ERC2: variants seen among roughly 807,000 people sequenced by gnomAD.
ERC2 encodes ELKS/RAB6-interacting/CAST family member 2, also known as ERC protein 2.
ERC2 carries 42 observed loss-of-function variants against 114.8 expected under a neutral mutation model. The ratio of observed to expected loss-of-function variants is 0.37; its 90% CI spans 0.29 to 0.47. The LOEUF (loss-of-function observed/expected upper bound fraction) is 0.47. ERC2 is among the 20% of genes least tolerant of loss of function. The pLI, the probability that ERC2 is intolerant of heterozygous loss-of-function variation, is 0.99. For missense variants in ERC2, 939 were observed against 1,150.7 expected, an observed-to-expected ratio of 0.82 and a Z score of 2.66; for synonymous variants, 454 against 425.5, an observed-to-expected ratio of 1.07 and a Z score of -0.82.
At chr3:55,551,352 G>A (rs560992099) in intron 17 of ERC2, among the ~76,000 whole-genome samples, 14 of 151,190 alleles carry the variant, frequency 9.3e-5, no homozygotes, top group Admixed American at 2.6e-4. Context: ...GTGAAACCGC[G>A]TCTCTACTGA....
In ERC2 at chr3:55,921,022, T is replaced by G. The variant is rs950734201; in HGVS notation, c.2403+29403A>C. ...CATAACCACTCGGTTCTGGTGGGAA[T>G]GCAGAAACCTCTGAGCACACCCTAA... On this transcript the variant is annotated intron_variant, in intron 13 of 17. Transcript: ENST00000288221. Among the ~76,000 whole-genome samples, 4 of 152,108 alleles carry G rather than the reference T, an allele frequency of 2.6e-5. 1 individual carries two copies. The highest frequency in any genetic ancestry group is 2.6e-4 in the Admixed American group (4 of 15,262).
intron 11 of ERC2, among the ~76,000 whole-genome samples, chr3:55,987,865 G>A (rs1415324051): frequency 6.6e-6 from 1 of 152,130 alleles, no homozygotes; most frequent in Non-Finnish European, 1.5e-5. Flanking sequence ...TCTTACGAGT[G>A]GAACCCCCAG....
chr3:55,808,019 C>T (rs901687340), intron 14 of ERC2, among the ~76,000 whole-genome samples: 1 of 152,200 alleles, frequency 6.6e-6, no homozygotes, highest in Non-Finnish European at 1.5e-5. Context: ...CCCCATCCAG[C>T]TGAGTGAAGT....
intron 6 of ERC2, among the ~76,000 whole-genome samples, chr3:56,125,882 A>G (rs1054777132): frequency 6.6e-6 from 1 of 152,234 alleles, no homozygotes; most frequent in Non-Finnish European, 1.5e-5. Flanking sequence ...TATCCATGTC[A>G]ATGGGAATAA....
intron 7 of ERC2, among the ~76,000 whole-genome samples, chr3:56,065,858 T>C (rs1313134323): frequency 1.3e-5 from 2 of 152,186 alleles, no homozygotes. Context: ...TTCATCCATG[T>C]CCCTGCAAAG....
chr3:55,546,291 C>T (rs1473891351), intron 17 of ERC2, among the ~76,000 whole-genome samples: 1 of 152,164 alleles, frequency 6.6e-6, no homozygotes, highest in African/African-American at 2.4e-5. Context: ...CTTCCCTATG[C>T]CCTCCTCCGG....
chr3:56,032,979 G>A (rs13085460), intron 7 of ERC2, among the ~76,000 whole-genome samples: 5,764 of 51,326 alleles, frequency 0.11, 499 homozygotes, highest in East Asian at 0.18. Flanking sequence ...GAAAGAAAGA[G>A]AAAGAAAGAA....
chr3:56,239,169 GA>G (rs984891603), intron 3 of ERC2, among the ~76,000 whole-genome samples: 13 of 152,070 alleles, frequency 8.5e-5, no homozygotes, highest in African/African-American at 3.1e-4. Context: ...TATACAAAGG[GA>G]AAAAATTATG....
At chr3:56,448,594 G>C (rs1022707191) in intron 1 of ERC2, among the ~76,000 whole-genome samples, 6 of 152,150 alleles carry the variant, frequency 3.9e-5, no homozygotes, top group Non-Finnish European at 7.3e-5. Flanking sequence ...AGCTAGGCTT[G>C]CTCCAGCTAT....
chr3:56,154,286 G>C (rs1423010731), intron 4 of ERC2, among the ~76,000 whole-genome samples: 1 of 152,110 alleles, frequency 6.6e-6, no homozygotes, highest in Non-Finnish European at 1.5e-5. Context: ...GCCTTCTTGG[G>C]CCTTGTCAAA....
At chr3:55,831,366 G>GGAGAA (rs2060568703) in intron 14 of ERC2, among the ~76,000 whole-genome samples, 1 of 92,618 alleles carries the variant, frequency 1.1e-5, no homozygotes, top group African/African-American at 4.2e-5. Context: ...GAGAAGGGGA[G>GGAGAA]GGGAAGGGAA....
At chr3:56,101,579 C>T (rs2078360873) in intron 6 of ERC2, among the ~76,000 whole-genome samples, 1 of 152,060 alleles carries the variant, frequency 6.6e-6, no homozygotes, top group South Asian at 2.1e-4. Context: ...ACCCATGGCC[C>T]CACATCCACC....
intron 3 of ERC2, among the ~76,000 whole-genome samples, chr3:56,224,424 C>T (rs1416362315): frequency 6.6e-6 from 1 of 152,006 alleles, no homozygotes; most frequent in Non-Finnish European, 1.5e-5. Context: ...GCTTGAGTGG[C>T]AGGGGTGAGG....
chr3:56,354,038 C>G (rs931449937), intron 2 of ERC2, among the ~76,000 whole-genome samples: 2 of 152,130 alleles, frequency 1.3e-5, no homozygotes, highest in Non-Finnish European at 2.9e-5. Context: ...ATCAGGCAGC[C>G]TGACTCCAGA....
At chr3:55,822,427 T>G (rs1422323034) in intron 14 of ERC2, among the ~76,000 whole-genome samples, 1 of 152,196 alleles carries the variant, frequency 6.6e-6, no homozygotes, top group Non-Finnish European at 1.5e-5. Context: ...TAAATTATCT[T>G]GTTTTATTAT....
intron 8 of ERC2, among the ~76,000 whole-genome samples, chr3:56,017,750 C>G (rs912595394): frequency 6.6e-6 from 1 of 152,152 alleles, no homozygotes; most frequent in African/African-American, 2.4e-5. Flanking sequence ...AGGAATGTCA[C>G]GTATTTATTG....
intron 15 of ERC2, among the ~76,000 whole-genome samples, chr3:55,712,197 T>C (rs1285935065): frequency 1.3e-5 from 2 of 152,172 alleles, no homozygotes; most frequent in Non-Finnish European, 2.9e-5. Flanking sequence ...GTGAGAATAA[T>C]TGTATATCTA....
At chr3:56,140,566 C>T (rs879668061) in intron 5 of ERC2, among the ~76,000 whole-genome samples, 28 of 152,126 alleles carry the variant, frequency 1.8e-4, no homozygotes, top group South Asian at 8.3e-4. Context: ...TATCTGCCCA[C>T]TCTGCTGTTG....
chr3:56,051,690 G>A (rs1015447793), intron 7 of ERC2, among the ~76,000 whole-genome samples: 1 of 151,984 alleles, frequency 6.6e-6, no homozygotes, highest in African/African-American at 2.4e-5. Context: ...GCCGGGTATG[G>A]TGGTGTGTGC....
Sources: gnomAD v4.1 joint callset for allele counts (sites outside exome capture counted in the v4.1 genomes callset) on GRCh38, gnomAD v4.1.1 for gene constraint, MANE v1.5 for transcripts, NCBI Gene and HGNC (gene_info 2026-07-23, HGNC 2026-07-21) for gene names.